The following RARB variants were observed in gnomAD, a reference collection of about 807,000 sequenced individuals.
RARB encodes retinoic acid receptor beta, also known as HBV-activated protein.
In RARB, 17 loss-of-function variants were observed where a neutral mutation model predicts 51.9. The observed-to-expected ratio is 0.33, with a 90% confidence interval of 0.22 to 0.49. The LOEUF (loss-of-function observed/expected upper bound fraction) is 0.49, where lower values mean the gene tolerates loss of function less well. RARB is among the 20% of genes least tolerant of loss of function. The pLI is 0.99. For missense variants in RARB, 369 were observed against 550.8 expected (o/e 0.67, Z 3.30); for synonymous variants, 215 against 195.4 (o/e 1.10, Z -0.84).
chr3:25,040,101 T>C (rs1304682145), intron 2 of RARB, among the ~76,000 whole-genome samples: 3 of 152,194 alleles, frequency 2.0e-5, no homozygotes, highest in Non-Finnish European at 2.9e-5. Context: ...CATGTACATT[T>C]TTATTTTCTG....
intron 2 of RARB, among the ~76,000 whole-genome samples, chr3:25,476,629 C>A (rs1418503743): frequency 1.3e-5 from 2 of 152,154 alleles, no homozygotes; most frequent in African/African-American, 4.8e-5. Context: ...TCTGGGACCT[C>A]CCCAAGCAGT....
intron 2 of RARB, among the ~76,000 whole-genome samples, chr3:25,463,447 G>A (rs1054891847): frequency 2.0e-5 from 3 of 152,028 alleles, no homozygotes; most frequent in South Asian, 2.1e-4. Context: ...GGCAGATCAC[G>A]AAGTCAAGAG....
rs1330468170 is a variant in RARB, at chr3:25,130,908, G to GATATCA, written c.-327-1250_-327-1249insTCAATA. Among the ~76,000 whole-genome samples the GATATCA allele has an allele frequency of 1.4e-3, 45 of 32,726 alleles. 2 individuals carry two copies. In the East Asian group the frequency reaches 0.025, roughly 18 times the overall value. The allele number at this position is 32,726 out of a possible 152,430, so 21.5% of individuals were successfully genotyped here. ...TATTATTGATAATATCAATATTATT[G>GATATCA]ATAATATTATCAATATTTATCATTG... On this transcript the variant is annotated intron_variant, in intron 3 of 11. Transcript: ENST00000383772.
At chr3:24,872,364 C>A (rs138172813) in intron 2 of RARB, among the ~76,000 whole-genome samples, 24 of 152,180 alleles carry the variant, frequency 1.6e-4, no homozygotes, top group Admixed American at 1.6e-3. Flanking sequence ...TCATCTCTGT[C>A]AAGTCTTCAC....
chr3:25,353,901 G>C (rs1376484359), intron 5 of RARB, among the ~76,000 whole-genome samples: 1 of 152,078 alleles, frequency 6.6e-6, no homozygotes, highest in Admixed American at 6.6e-5. Context: ...TCTAAGGAGA[G>C]AGAACAAGAG....
At chr3:25,113,312 T>A (rs543731319) in intron 3 of RARB, among the ~76,000 whole-genome samples, 3 of 152,312 alleles carry the variant, frequency 2.0e-5, no homozygotes, top group African/African-American at 7.2e-5. Flanking sequence ...ATAAGGAAAT[T>A]AAATTACCAC....
chr3:25,042,897 C>G (rs984422987), intron 2 of RARB, among the ~76,000 whole-genome samples: 1 of 152,226 alleles, frequency 6.6e-6, no homozygotes, highest in African/African-American at 2.4e-5. Flanking sequence ...TTTCTACTCT[C>G]TCCTTTTATA....
intron 2 of RARB, among the ~76,000 whole-genome samples, chr3:24,896,743 T>C (rs1044607419): frequency 6.6e-6 from 1 of 152,174 alleles, no homozygotes; most frequent in Non-Finnish European, 1.5e-5. Flanking sequence ...TTCCTATTTC[T>C]CCCAAGCTTG....
intron 5 of RARB, among the ~76,000 whole-genome samples, chr3:25,249,421 A>C (rs888179089): frequency 6.6e-6 from 1 of 152,102 alleles, no homozygotes; most frequent in African/African-American, 2.4e-5. Flanking sequence ...TTCGTTTTCC[A>C]GAATGTCATA....
At chr3:25,241,923 C>T (rs1269648331) in intron 5 of RARB, among the ~76,000 whole-genome samples, 7 of 152,204 alleles carry the variant, frequency 4.6e-5, no homozygotes, top group African/African-American at 1.4e-4. Flanking sequence ...TTTACACTCC[C>T]ACCAACAGTG....
At chr3:25,365,133 C>A (rs567165734) in intron 5 of RARB, among the ~76,000 whole-genome samples, 1 of 151,146 alleles carries the variant, frequency 6.6e-6, no homozygotes, top group African/African-American at 2.4e-5. Context: ...GGGCTTCTAG[C>A]TTCCTATCCA....
chr3:25,357,041 T>A (rs1410466129), intron 5 of RARB, among the ~76,000 whole-genome samples: 1 of 152,122 alleles, frequency 6.6e-6, no homozygotes, highest in African/African-American at 2.4e-5. Flanking sequence ...CTAATGAGAT[T>A]GCTGGGTCAA....
intron 2 of RARB, among the ~76,000 whole-genome samples, chr3:24,931,930 C>CAT: frequency 6.6e-6 from 1 of 152,058 alleles, no homozygotes; most frequent in Non-Finnish European, 1.5e-5. Flanking sequence ...GGTGACTATG[C>CAT]AGCCTGTTTC....
intron 2 of RARB, among the ~76,000 whole-genome samples, chr3:25,463,312 C>A (rs887757535): frequency 6.6e-6 from 1 of 152,234 alleles, no homozygotes; most frequent in African/African-American, 2.4e-5. Context: ...TGGTTGGGGA[C>A]CCTAGCTCCA....
intron 2 of RARB, among the ~76,000 whole-genome samples, chr3:25,048,898 G>C (rs980117432): frequency 6.6e-6 from 1 of 151,780 alleles, no homozygotes; most frequent in Non-Finnish European, 1.5e-5. Flanking sequence ...TGGGACTAGC[G>C]CCCGCCACTG....
chr3:25,242,683 C>T (rs534115303), intron 5 of RARB, among the ~76,000 whole-genome samples: 3 of 152,170 alleles, frequency 2.0e-5, no homozygotes, highest in South Asian at 2.1e-4. Context: ...GTTTTGGTAC[C>T]AGTACCATGC....
At chr3:25,164,204 G>A (rs1055939168) in intron 4 of RARB, among the ~76,000 whole-genome samples, 23 of 152,174 alleles carry the variant, frequency 1.5e-4, no homozygotes, top group Non-Finnish European at 2.6e-4. Context: ...GTAGGGGTGG[G>A]TGTTGGAGGA....
At chr3:25,021,351 G>A (rs1353472040) in intron 2 of RARB, among the ~76,000 whole-genome samples, 1 of 152,064 alleles carries the variant, frequency 6.6e-6, no homozygotes, top group Non-Finnish European at 1.5e-5. Context: ...CTTATTTGTA[G>A]TCTTGTCACT....
chr3:24,886,883 T>C (rs544068170), intron 2 of RARB, among the ~76,000 whole-genome samples: 1 of 152,238 alleles, frequency 6.6e-6, no homozygotes, highest in African/African-American at 2.4e-5. Flanking sequence ...GGGTCCACAA[T>C]GTATAGACCA....
Sources: gnomAD v4.1 joint callset for allele counts (sites outside exome capture counted in the v4.1 genomes callset) on GRCh38, gnomAD v4.1.1 for gene constraint, MANE v1.5 for transcripts, NCBI Gene and HGNC (gene_info 2026-07-23, HGNC 2026-07-21) for gene names.